The following POLR2F variants were observed in gnomAD, a reference collection of about 807,000 sequenced individuals.
POLR2F encodes the protein DNA-directed RNA polymerases I, II, and III subunit RPABC2.
A neutral mutation model predicts 22.7 loss-of-function variants in POLR2F; 12 were observed. The observed-to-expected ratio is 0.53, with a 90% confidence interval of 0.34 to 0.86. The LOEUF is 0.86. POLR2F is among the 40% of genes least tolerant of loss of function. The pLI is 0.02. For missense variants in POLR2F, 126 were observed against 171.5 expected (o/e 0.73, Z 1.48); for synonymous variants, 57 against 66.0 (o/e 0.86, Z 0.66).
intron 1 of POLR2F, among the ~76,000 whole-genome samples, chr22:37,991,881 A>C (rs1438059148): frequency 6.6e-6 from 1 of 152,098 alleles, no homozygotes; most frequent in East Asian, 1.9e-4. Context: ...TGTGGACTTG[A>C]GGGCTGGGTC....
chr22:37,971,141 G>A (rs192115083), downstream of POLR2F: 294 of 439,894 alleles, frequency 6.7e-4, no homozygotes, highest in Non-Finnish European at 1.2e-3. Flanking sequence ...AGCAGTGGAA[G>A]ATGCATTGCT....
At chr22:37,971,126 T>A (rs940632043), downstream of POLR2F, 4 of 424,102 alleles carry the variant, frequency 9.4e-6, no homozygotes, top group African/African-American at 8.2e-5. Context: ...GGATGCCCAG[T>A]CTGGAGCAGT....
intron 2 of POLR2F, among the ~76,000 whole-genome samples, chr22:37,957,383 G>A: frequency 6.6e-6 from 1 of 152,186 alleles, no homozygotes; most frequent in Non-Finnish European, 1.5e-5. Context: ...TAGTGCAGGT[G>A]ATGAGAAGGC....
rs1814347313 is a variant in POLR2F at position 38,018,524 on chromosome 22, C to T, written c.121-7345C>T. ...CAGGCTTAGGGTGGGGTCAAGGCCT[C>T]AGGCTATCACCGAATTCTGATGGAC... On this transcript the variant is annotated intron_variant, in intron 1 of 2. Transcript: ENST00000333418. 2.6e-5 allele frequency among the ~76,000 whole-genome samples: 4 copies of T among 152,262 alleles called. No homozygotes were observed. In the South Asian group the frequency reaches 6.2e-4, roughly 24 times the overall value.
At chr22:38,041,061 T>G (rs1601923933) in intron 5 of POLR2F, 1 of 1,612,930 alleles carries the variant, frequency 6.2e-7, no homozygotes, top group East Asian at 2.2e-5. Context: ...CCTGTGTTAT[T>G]TTCCAGGAGG....
At position 38,020,318 on chromosome 22, in the gene POLR2F, G is replaced by A. The variant is rs984441568; in HGVS notation, c.121-5551G>A. On this transcript the variant is annotated intron_variant, in intron 1 of 2. Transcript: ENST00000333418. ...CTCATATTGTCTCTCAGGCTGGAGAGCAGTGGTGCAACCTTGGCTCACTGC... is the reference window on the plus strand; with the variant it reads ...CTCATATTGTCTCTCAGGCTGGAGAACAGTGGTGCAACCTTGGCTCACTGC... Among the ~76,000 whole-genome samples the A allele has an allele frequency of 2.3e-4, 35 of 151,766 alleles. 1 individual carries two copies. The highest frequency in any genetic ancestry group is 1.9e-3 in the Admixed American group (29 of 15,220).
chr22:38,041,097 C>G (rs1353499454), exon 6 of POLR2F: 1 of 1,612,884 alleles, frequency 6.2e-7, no homozygotes, highest in Non-Finnish European at 8.5e-7. Flanking sequence ...GAGTGACTCG[C>G]CTGAAGCCCC....
At chr22:38,039,945 T>C (rs2085155231) in intron 5 of POLR2F, among the ~76,000 whole-genome samples, 1 of 151,950 alleles carries the variant, frequency 6.6e-6, no homozygotes, top group South Asian at 2.1e-4. Flanking sequence ...GTGAATAAAG[T>C]CTCAAGAGAC....
Position 37,968,575 on chromosome 22 carries a change from G to C in POLR2F, c.*860G>C. 6 of 985,622 alleles carry C rather than the reference G, an allele frequency of 6.1e-6. No homozygotes were observed. Among genetic ancestry groups the C allele is most frequent in the Non-Finnish European group, 7.2e-6 (6 of 830,116 alleles). 61.1% of individuals were successfully genotyped at this position (985,622 alleles called of 1,614,324 possible). ...CCTTCCTCTGCCTGAGGTTCTAATG[G>C]GTCCTCTTCCTTTCTCCACCCTGCT... On this transcript the variant is annotated 3_prime_UTR_variant, in exon 5 of 5. Transcript: ENST00000442738.
rs2145753166 is a variant in POLR2F at position 37,968,889 on chromosome 22, A to G, written c.*1174A>G. On this transcript the variant is annotated 3_prime_UTR_variant, in exon 5 of 5. Coordinates refer to ENST00000442738, the MANE Select transcript of POLR2F (RefSeq NM_021974.5). ...GTGGGAGGGGTGTCCGCTGCCCTGG[A>G]GAAGGGTTAATTCAGGGAGCAGTGG... is the stretch of plus-strand genomic sequence containing the variant. The G allele has an allele frequency of 2.0e-6, 2 of 985,360 alleles. No homozygotes were observed. Among genetic ancestry groups the G allele is most frequent in the South Asian group, 9.4e-5 (2 of 21,284 alleles). The allele number at this position is 985,360 out of a possible 1,614,324, so 61.0% of individuals were successfully genotyped here. A position where few individuals can be genotyped will look rare whatever the true frequency, so the allele number is the denominator to read the frequency against.
exon 2 of POLR2F, chr22:38,025,882 T>A (rs1373794825): frequency 1.1e-6 from 1 of 877,056 alleles, no homozygotes; most frequent in Non-Finnish European, 1.9e-6. Context: ...TGGGACCGTC[T>A]CTTCTCCCTC....
Position 37,953,717 on chromosome 22 carries a change from G to T in POLR2F, c.-71G>T. On this transcript the variant is annotated 5_prime_UTR_variant, in exon 1 of 5. Coordinates refer to ENST00000442738, the MANE Select transcript of POLR2F (RefSeq NM_021974.5). ...GCAAGATAAGCTAGGAGCCGCGCGA[G>T]TCGTAGTGTCGCTGTTTGCGGGTCT... The T allele has an allele frequency of 1.9e-6, 3 of 1,560,302 alleles. No individual in the cohort carries two copies. In the South Asian group the frequency reaches 3.5e-5, roughly 18 times the overall value.
chr22:38,028,755 C>T (rs778842801), downstream of POLR2F, among the ~76,000 whole-genome samples: 1 of 151,932 alleles, frequency 6.6e-6, no homozygotes, highest in Non-Finnish European at 1.5e-5. Flanking sequence ...GCACACACAC[C>T]CTCTGAAGGT....
At chr22:38,019,215 G>A (rs2084939696) in intron 1 of POLR2F, among the ~76,000 whole-genome samples, 1 of 152,080 alleles carries the variant, frequency 6.6e-6, no homozygotes, top group Admixed American at 6.6e-5. Context: ...GCTGTGGGCG[G>A]GGTCAGAGTA....
intron 1 of POLR2F, among the ~76,000 whole-genome samples, chr22:38,000,351 G>T (rs1569177215): frequency 6.6e-6 from 1 of 152,216 alleles, no homozygotes; most frequent in Non-Finnish European, 1.5e-5. Context: ...GAGTTGGCAG[G>T]CTCTTCTACA....
At chr22:37,987,670 C>A (rs913364057) in intron 1 of POLR2F, 16 of 299,818 alleles carry the variant, frequency 5.3e-5, no homozygotes, top group South Asian at 5.1e-4. Flanking sequence ...TTTCCCCACA[C>A]AGGCATGAGA....
upstream of POLR2F, among the ~76,000 whole-genome samples, chr22:37,984,696 G>GC (rs1279955653): frequency 2.6e-5 from 4 of 152,062 alleles, no homozygotes; most frequent in Non-Finnish European, 4.4e-5. The surrounding 1 kb of genome is among the most constrained non-coding windows in gnomAD (Gnocchi z 4.4). Context: ...CGGAGCCCAG[G>GC]CCCCCCCACC....
At position 38,004,492 on chromosome 22, in the gene POLR2F, C is replaced by T. The variant is rs568362838; in HGVS notation, c.120+18180C>T. 3.4e-4 allele frequency among the ~76,000 whole-genome samples: 52 copies of T among 152,276 alleles called. No individual in the cohort carries two copies. In the South Asian group the frequency reaches 9.8e-3, roughly 29 times the overall value. The stretch of plus-strand genomic sequence containing the variant: ...TACCTATAAGACATGCATATCTACT[C>T]GCTGAGTTCTCATGACTGCCAGAAT... On this transcript the variant is annotated intron_variant, in intron 1 of 2. Coordinates refer to the POLR2F transcript ENST00000333418.
At chr22:38,025,981 C>G (rs2085005844) in exon 2 of POLR2F, 1 of 586,790 alleles carries the variant, frequency 1.7e-6, no homozygotes, top group East Asian at 4.5e-5. Flanking sequence ...GGAGAATGTG[C>G]TCCTCAGAGG....
Sources: gnomAD v4.1 joint callset for allele counts (sites outside exome capture counted in the v4.1 genomes callset) on GRCh38, gnomAD v4.1.1 for gene constraint, Gnocchi (gnomAD v3.1) non-coding constraint, MANE v1.5 for transcripts, NCBI Gene and HGNC (gene_info 2026-07-23, HGNC 2026-07-21) for gene names.